The following COL1A2 variants were observed in gnomAD, a reference collection of about 807,000 sequenced individuals.
COL1A2 encodes collagen type I alpha 2 chain.
Under a neutral mutation model 174.3 loss-of-function variants are expected in COL1A2, and 49 were observed. The ratio of observed to expected loss-of-function variants is 0.28; its 90% CI spans 0.22 to 0.36. The LOEUF (loss-of-function observed/expected upper bound fraction) is 0.36. Among genes scored for constraint, COL1A2 ranks in the 10% least tolerant of loss-of-function variants. The pLI, the probability that COL1A2 is intolerant of heterozygous loss-of-function variation, is 1.00. For missense variants in COL1A2, 1,438 were observed against 1,822.7 expected, an observed-to-expected ratio of 0.79 and a Z score of 3.84; for synonymous variants, 655 against 606.6, an observed-to-expected ratio of 1.08 and a Z score of -1.17.
chr7:94,413,155 A>G lies in COL1A2; in HGVS notation c.1557+19A>G, dbSNP rs1791962942. On this transcript the variant is annotated intron_variant, in intron 26 of 51. Coordinates refer to ENST00000297268, the MANE Select transcript of COL1A2 (RefSeq NM_000089.4). ...TGCTCGGGTAGGTGCTAACTTGTGT[A>G]CAGATCTATTCACATAGCATTCATC... 1 of 1,612,408 alleles carries G rather than the reference A, an allele frequency of 6.2e-7. No individual in the cohort carries two copies. The highest frequency in any genetic ancestry group is 8.5e-7 in the Non-Finnish European group (1 of 1,178,544).
At chr7:94,398,342 C>A in intron 2 of COL1A2, 40 bp from the exon 3 acceptor site, 1 of 753,534 alleles carries the variant, frequency 1.3e-6, no homozygotes, top group Non-Finnish European at 2.0e-6. Context: ...TATATATATA[C>A]AATTTTCTTC....
chr7:94,420,855 A>G, intron 37 of COL1A2, 154 bp from the exon 38 acceptor site: 1 of 892,810 alleles, frequency 1.1e-6, no homozygotes. Flanking sequence ...TAACCTCATA[A>G]GGGTGGTAAT....
chr7:94,411,306 G>A, intron 23 of COL1A2, 152 bp downstream of exon 23: 1 of 704,444 alleles, frequency 1.4e-6, no homozygotes, highest in Non-Finnish European at 2.5e-6. Flanking sequence ...TCAAAGCTCA[G>A]TAGATATTTT....
At chr7:94,430,001 G>C in intron 51 of COL1A2, 1 of 544,440 alleles carries the variant, frequency 1.8e-6, no homozygotes, top group Non-Finnish European at 3.3e-6. Context: ...CACTTGGAAT[G>C]TGTGTTGAAA....
At chr7:94,403,306 A>G (rs1230335748) in intron 6 of COL1A2, among the ~76,000 whole-genome samples, 1 of 152,202 alleles carries the variant, frequency 6.6e-6, no homozygotes, top group Non-Finnish European at 1.5e-5. Context: ...TAATCAACAG[A>G]TATCTGTTTC....
chr7:94,412,515 C>A, intron 24 of COL1A2, 69 bp from the exon 25 acceptor site: 1 of 1,173,324 alleles, frequency 8.5e-7, no homozygotes, highest in East Asian at 2.4e-5. Flanking sequence ...TCATCCGTGG[C>A]AGCATCATAA....
rs368445054 is a variant in COL1A2, at chr7:94,423,125, G to C, written c.2565+7G>C. The C allele has an allele frequency of 6.2e-7, 1 of 1,614,010 alleles. No individual in the cohort carries two copies. Among genetic ancestry groups the C allele is most frequent in the South Asian group, 1.1e-5 (1 of 91,074 alleles). On this transcript the variant is annotated splice_region_variant and intron_variant, in intron 40 of 51. Transcript: ENST00000297268. The stretch of plus-strand genomic sequence containing the variant: ...TGGAGAGGCTGGTACTGCTGTAAGT[G>C]ATTTCCAACTCCTCTTTCTTAATAC...
intron 40 of COL1A2, chr7:94,423,402 C>T: frequency 2.3e-6 from 1 of 443,988 alleles, no homozygotes; most frequent in Non-Finnish European, 4.2e-6. Context: ...AGAACAGAGT[C>T]CCATTGCTGT....
chr7:94,409,922 T>C, intron 19 of COL1A2, 101 bp downstream of exon 19: 1 of 1,179,732 alleles, frequency 8.5e-7, no homozygotes, highest in Non-Finnish European at 1.2e-6. Flanking sequence ...TATTCCTATT[T>C]TTCTCTTCCT....
rs763429454 is a variant in COL1A2 at position 94,420,283 on chromosome 7, C to A, written c.2130C>A (p.Ser710Arg). 6.2e-7 allele frequency: 1 copy of A among 1,613,806 alleles called. No individual in the cohort carries two copies. ...CTGGTCCTGCTGGTCCTCGGGGAAG[C>A]CCTGTAAGTAAGAACCTGGGTCATT... is the stretch of plus-strand genomic sequence containing the variant. ...GPAGPAGPRGSPGERGEVGPA... is the reference protein window; with the variant it reads ...GPAGPAGPRGRPGERGEVGPA... The change falls in exon 35 of 52, where the codon AGC becomes AGA. Residue 710 changes from serine to arginine, a missense_variant. Around this residue, in one of 3 missense-constraint regions of COL1A2, gnomAD observed 867 missense variants for 1,213.7 expected, o/e 0.71. Coordinates refer to ENST00000297268, the MANE Select transcript of COL1A2 (RefSeq NM_000089.4).
Position 94,395,116 on chromosome 7 carries a change from C to T in COL1A2, c.70+15C>T, listed in dbSNP as rs1301854491. The T allele has an allele frequency of 6.2e-7, 1 of 1,612,314 alleles. No homozygotes were observed. Among genetic ancestry groups the T allele is most frequent in the African/African-American group, 1.3e-5 (1 of 74,986 alleles). On this transcript the variant is annotated intron_variant, in intron 1 of 51. Coordinates refer to ENST00000297268, the MANE Select transcript of COL1A2 (RefSeq NM_000089.4). The stretch of plus-strand genomic sequence containing the variant: ...AACATGCCAATGTAAGTGCCTTCAG[C>T]TTGTTTGGGGGAGACTGGGTAGAGA...
rs963471534 is a variant in COL1A2, at chr7:94,414,379, G to A, written c.1719+104G>A. On this transcript the variant is annotated intron_variant, in intron 29 of 51. Transcript: ENST00000297268. ...ATTATAATATGTAAAAGAAAATTTC[G>A]TATTTCATATGTTAATGATAGTGTT... 3.4e-5 allele frequency: 36 copies of A among 1,058,424 alleles called. 1 individual carries two copies. Among genetic ancestry groups the A allele is most frequent in the South Asian group, 2.1e-4 (16 of 75,044 alleles). 65.6% of individuals were successfully genotyped at this position (1,058,424 alleles called of 1,614,324 possible).
In COL1A2 at chr7:94,406,217, G is replaced by A. The variant is rs757452840; in HGVS notation, c.541-33G>A. ...TTTTATTTGACCAAACACTATCATG[G>A]AACAGCATTTTATAATAAGGCTTTC... is the stretch of plus-strand genomic sequence containing the variant. On this transcript the variant is annotated intron_variant, in intron 11 of 51. Coordinates refer to ENST00000297268, the MANE Select transcript of COL1A2 (RefSeq NM_000089.4). The A allele has an allele frequency of 6.2e-6, 10 of 1,608,056 alleles. No homozygotes were observed. The Middle Eastern group carries it at 5.0e-4, about 80-fold the overall frequency.
chr7:94,421,984 T>C, intron 39 of COL1A2, 32 bp downstream of exon 39: 1 of 1,602,236 alleles, frequency 6.2e-7, no homozygotes, highest in Non-Finnish European at 8.5e-7. Flanking sequence ...TGTCTTCATT[T>C]ACTCTAGCCA....
chr7:94,427,949 C>A, intron 49 of COL1A2, 64 bp downstream of exon 49: 1 of 1,550,420 alleles, frequency 6.4e-7, no homozygotes, highest in South Asian at 1.1e-5. Flanking sequence ...AAATTAGTTT[C>A]CATTGACATT....
In COL1A2 at chr7:94,424,392, T is replaced by C. The variant is rs769128071; in HGVS notation, c.2622T>C (p.Gly874=). The C allele has an allele frequency of 3.1e-6, 5 of 1,614,012 alleles. No homozygotes were observed. The highest frequency in any genetic ancestry group is 4.2e-6 in the Non-Finnish European group (5 of 1,180,036). The change falls in exon 41 of 52, where the codon GGT becomes GGC. Residue 874 remains glycine, a synonymous_variant. Transcript: ENST00000297268. The part of the protein sequence containing the change: ...QGLLGAPGIL[G]LPGSRGERGL... Reference sequence around the variant, plus strand: ...TTCTTGGTGCTCCTGGTATTCTGGGTCTCCCTGGCTCGAGAGGTGAACGTG... The same window carrying C: ...TTCTTGGTGCTCCTGGTATTCTGGGCCTCCCTGGCTCGAGAGGTGAACGTG...
chr7:94,428,226 G>A, intron 49 of COL1A2, 67 bp from the exon 50 acceptor site: 1 of 1,284,246 alleles, frequency 7.8e-7, no homozygotes, highest in South Asian at 1.2e-5. Context: ...TCTTTCATTA[G>A]TTATTATTAG....
rs915626168 is a variant in COL1A2, at chr7:94,412,441, A to G, written c.1405-143A>G. On this transcript the variant is annotated intron_variant, in intron 24 of 51. Transcript: ENST00000297268. ...CTGACATCCTAGTTAGAAAAGGAAA[A>G]TGGATTCATAATTTATTAACGCTTT... 4.1e-5 allele frequency: 29 copies of G among 711,356 alleles called. No individual in the cohort carries two copies. In the Admixed American group the frequency reaches 6.6e-4, roughly 16 times the overall value. The allele number at this position is 711,356 out of a possible 1,614,324, so 44.1% of individuals were successfully genotyped here.
chr7:94,417,092 A>T (rs781051219), intron 31 of COL1A2, among the ~76,000 whole-genome samples: 2 of 152,228 alleles, frequency 1.3e-5, no homozygotes, highest in Non-Finnish European at 2.9e-5. Flanking sequence ...CTCTAGGGGA[A>T]AAAATGTAAA....
Sources: allele counts gnomAD v4.1 joint callset (sites outside exome capture counted in the v4.1 genomes callset), GRCh38; gene constraint gnomAD v4.1.1; regional missense constraint gnomAD v4.1.1; transcripts MANE v1.5; gene names NCBI Gene and HGNC (gene_info 2026-07-23, HGNC 2026-07-21).